Variants in XKR6 observed in about 807,000 individuals in gnomAD.
XKR6 encodes the protein XK related 6, also known as XK-related protein 6.
Under a neutral mutation model 56.7 loss-of-function variants are expected in XKR6, and 22 were observed. The observed-to-expected ratio is 0.39, with a 90% CI of 0.28 to 0.55. The LOEUF is 0.55. XKR6 is among the 20% of genes least tolerant of loss of function. The pLI is 0.66. For synonymous variants in XKR6, 524 were observed against 387.8 expected (o/e 1.35, Z -4.13); for missense variants, 852 against 889.0 (o/e 0.96, Z 0.53).
chr8:11,076,640 C>G (rs1439633876), intron 1 of XKR6, among the ~76,000 whole-genome samples: 1 of 152,164 alleles, frequency 6.6e-6, no homozygotes, highest in African/African-American at 2.4e-5. Context: ...TAGCAAAGCG[C>G]CCCCAGCACA....
intron 1 of XKR6, among the ~76,000 whole-genome samples, chr8:11,071,954 C>G (rs1005819344): frequency 6.6e-6 from 1 of 152,134 alleles, no homozygotes; most frequent in African/African-American, 2.4e-5. Flanking sequence ...CCAAAGAGCT[C>G]GAAGTCCAGA....
intron 1 of XKR6, among the ~76,000 whole-genome samples, chr8:11,176,611 A>G (rs139253922): frequency 3.9e-5 from 6 of 152,186 alleles, no homozygotes; most frequent in East Asian, 1.9e-4. Context: ...TCATCCCCCA[A>G]AATTTTAAGA....
At chr8:11,036,862 G>T (rs536988290) in intron 1 of XKR6, among the ~76,000 whole-genome samples, 88 of 152,336 alleles carry the variant, frequency 5.8e-4, no homozygotes, top group African/African-American at 2.0e-3. Context: ...GGCTGCGTGT[G>T]TTATTCTGTG....
At chr8:10,976,086 G>A (rs1464246659) in intron 1 of XKR6, among the ~76,000 whole-genome samples, 1 of 152,100 alleles carries the variant, frequency 6.6e-6, no homozygotes, top group African/African-American at 2.4e-5. Context: ...TGAGGCAGGA[G>A]AATGGCATGA....
intron 1 of XKR6, among the ~76,000 whole-genome samples, chr8:10,995,139 G>A (rs1018472477): frequency 2.6e-5 from 4 of 152,134 alleles, no homozygotes; most frequent in Non-Finnish European, 5.9e-5. Flanking sequence ...ATGTATAGAC[G>A]AGAGCATTTT....
At chr8:11,190,279 G>GGAAAAGAAAA (rs1383666118) in intron 1 of XKR6, among the ~76,000 whole-genome samples, 7 of 151,234 alleles carry the variant, frequency 4.6e-5, no homozygotes, top group African/African-American at 1.7e-4. Context: ...AGAAAAGAAA[G>GGAAAAGAAAA]GAAAATAAAA....
At chr8:11,014,638 A>G (rs1256992463) in intron 1 of XKR6, among the ~76,000 whole-genome samples, 1 of 152,176 alleles carries the variant, frequency 6.6e-6, no homozygotes, top group Non-Finnish European at 1.5e-5. Context: ...TGCTAACAAA[A>G]TGTAGGTCCC....
chr8:10,924,957 G>T (rs531044930), intron 1 of XKR6, 127 bp from the exon 2 acceptor site: 666 of 1,076,728 alleles, frequency 6.2e-4, no homozygotes, highest in Non-Finnish European at 6.8e-4. Flanking sequence ...GAAGTTCCCA[G>T]AGGCTTGGAC....
intron 1 of XKR6, among the ~76,000 whole-genome samples, chr8:10,994,846 C>A (rs75006099): frequency 3.3e-5 from 5 of 152,300 alleles, no homozygotes; most frequent in Non-Finnish European, 7.3e-5. Context: ...AGGCCTCCCC[C>A]TAAATTTTAG....
At chr8:11,105,713 A>G (rs758103150) in intron 1 of XKR6, 1 of 152,226 alleles carries the variant, frequency 6.6e-6, no homozygotes, top group Non-Finnish European at 1.5e-5. Flanking sequence ...TTATTTGGAC[A>G]AAGTTGGCTC....
At chr8:11,080,060 C>T (rs1174537103) in intron 1 of XKR6, among the ~76,000 whole-genome samples, 1 of 151,894 alleles carries the variant, frequency 6.6e-6, no homozygotes, top group Non-Finnish European at 1.5e-5. Context: ...CACCTCTAAA[C>T]AAGGGTGCAT....
chr8:11,082,262 G>T (rs1242064370), intron 1 of XKR6, among the ~76,000 whole-genome samples: 1 of 152,214 alleles, frequency 6.6e-6, no homozygotes, highest in Non-Finnish European at 1.5e-5. Context: ...TAAGAACCAG[G>T]AGTCTGGAAC....
intron 1 of XKR6, among the ~76,000 whole-genome samples, chr8:11,014,222 T>C (rs376243315): frequency 6.6e-6 from 1 of 152,198 alleles, no homozygotes; most frequent in East Asian, 1.9e-4. Context: ...TCATCCTCCC[T>C]ATGTAATCTC....
intron 1 of XKR6, among the ~76,000 whole-genome samples, chr8:11,139,986 G>C (rs569007660): frequency 7.9e-4 from 120 of 152,218 alleles, no homozygotes; most frequent in Admixed American, 2.5e-3. Context: ...CCTTTTTAAA[G>C]TTCAAAAAGC....
chr8:11,078,735 G>A lies in XKR6; in HGVS notation c.764+121841C>T, dbSNP rs547482669. Among the ~76,000 whole-genome samples, 25 of 152,302 alleles carry A rather than the reference G, an allele frequency of 1.6e-4. No homozygotes were observed. The South Asian group carries it at 5.0e-3, about 30-fold the overall frequency. On this transcript the variant is annotated intron_variant, in intron 1 of 2. Coordinates refer to ENST00000416569, the MANE Select transcript of XKR6 (RefSeq NM_173683.4). ...TGCTAGCAGTTGGCCTTCAGGACCC[G>A]TTAGGAAATTCTGGGTAGGCCCAGA... is the stretch of plus-strand genomic sequence containing the variant.
chr8:10,977,319 T>A (rs913949961), intron 1 of XKR6, among the ~76,000 whole-genome samples: 3 of 151,888 alleles, frequency 2.0e-5, no homozygotes, highest in Admixed American at 6.6e-5. Flanking sequence ...GTCTCCCCCA[T>A]CCCAGGGACA....
At chr8:11,144,236 G>GTGTT (rs1229918634) in intron 1 of XKR6, among the ~76,000 whole-genome samples, 1 of 150,506 alleles carries the variant, frequency 6.6e-6, no homozygotes, top group African/African-American at 2.5e-5. Context: ...GTGTGTGTGT[G>GTGTT]TGTGTGTGTG....
chr8:11,186,434 T>C (rs1282110689), intron 1 of XKR6, among the ~76,000 whole-genome samples: 1 of 152,180 alleles, frequency 6.6e-6, no homozygotes, highest in African/African-American at 2.4e-5. Context: ...CAGGCTGCAG[T>C]GGCACAATCA....
At chr8:11,042,152 A>G (rs1025871649) in intron 1 of XKR6, among the ~76,000 whole-genome samples, 6 of 152,016 alleles carry the variant, frequency 3.9e-5, no homozygotes, top group African/African-American at 1.2e-4. Flanking sequence ...CACTCTTCAC[A>G]TCACAGCAGG....
Sources: gnomAD v4.1 joint callset for allele counts (sites outside exome capture counted in the v4.1 genomes callset) on GRCh38, gnomAD v4.1.1 for gene constraint, MANE v1.5 for transcripts, NCBI Gene and HGNC (gene_info 2026-07-23, HGNC 2026-07-21) for gene names.